Variants in GNA14 observed in about 807,000 individuals in gnomAD.
GNA14 encodes the protein guanine nucleotide-binding protein subunit alpha-14.
Under a neutral mutation model 42.0 loss-of-function variants are expected in GNA14, and 50 were observed. The observed-to-expected ratio is 1.19, with a 90% CI of 0.95 to 1.51. The LOEUF (loss-of-function observed/expected upper bound fraction) is 1.51. Among genes scored for constraint, GNA14 ranks in the 40% most tolerant of loss-of-function variants. The pLI, the probability that GNA14 is intolerant of heterozygous loss-of-function variation, is 0.00. For missense variants in GNA14, 473 were observed against 446.2 expected (o/e 1.06, Z -0.54); for synonymous variants, 173 against 163.1 (o/e 1.06, Z -0.46).
intron 1 of GNA14, among the ~76,000 whole-genome samples, chr9:77,643,536 A>C (rs1824303193): frequency 6.6e-6 from 1 of 152,124 alleles, no homozygotes; most frequent in Non-Finnish European, 1.5e-5. Context: ...ACCGCACCCA[A>C]TCGGTGTTGT....
Position 77,529,152 on chromosome 9 carries a change from A to T in GNA14, c.226T>A (p.Tyr76Asn). 6.2e-7 allele frequency: 1 copy of T among 1,614,094 alleles called. No individual in the cohort carries two copies. Among genetic ancestry groups the T allele is most frequent in the Non-Finnish European group, 8.5e-7 (1 of 1,179,944 alleles). ...EDRKGFTKLV[Y>N]QNIFTAMQAM... ...TGCATGGCGGTGAATATGTTTTGGTAAACCAGCTTCGTGAACCCCTTTCTG... is the reference window on the plus strand; with the variant it reads ...TGCATGGCGGTGAATATGTTTTGGTTAACCAGCTTCGTGAACCCCTTTCTG... The change falls in exon 2 of 7, where the codon TAC (tyrosine) becomes AAC (asparagine). Residue 76 changes from tyrosine to asparagine, a missense_variant. By Grantham distance (143) the Tyr-to-Asn change is moderately radical. Transcript: ENST00000341700.
At chr9:77,434,300 A>G in intron 3 of GNA14, 68 bp downstream of exon 3, 1 of 1,444,078 alleles carries the variant, frequency 6.9e-7, no homozygotes, top group East Asian at 2.3e-5. Flanking sequence ...TCAGCGAGAA[A>G]CTTCTTTGAA....
chr9:77,506,310 A>C (rs998658864), intron 2 of GNA14, among the ~76,000 whole-genome samples: 1 of 151,684 alleles, frequency 6.6e-6, no homozygotes, highest in Non-Finnish European at 1.5e-5. Flanking sequence ...AGAAATGAGA[A>C]ACTAATTTTA....
chr9:77,615,136 C>T (rs1247613955), intron 1 of GNA14, among the ~76,000 whole-genome samples: 1 of 152,180 alleles, frequency 6.6e-6, no homozygotes, highest in Non-Finnish European at 1.5e-5. Context: ...GTTGTTGAAA[C>T]AAATGTAACA....
At chr9:77,524,571 C>T (rs1243620600) in intron 2 of GNA14, among the ~76,000 whole-genome samples, 2 of 152,158 alleles carry the variant, frequency 1.3e-5, no homozygotes, top group African/African-American at 4.8e-5. Context: ...CCAATTGTTT[C>T]AAGTCATACG....
chr9:77,539,683 G>C (rs1837636509), intron 1 of GNA14, among the ~76,000 whole-genome samples: 1 of 152,108 alleles, frequency 6.6e-6, no homozygotes, highest in African/African-American at 2.4e-5. Flanking sequence ...TTCAATCCCA[G>C]TAGTTGTAAT....
intron 2 of GNA14, among the ~76,000 whole-genome samples, chr9:77,480,470 T>C (rs1420752375): frequency 1.3e-5 from 2 of 152,184 alleles, no homozygotes; most frequent in African/African-American, 2.4e-5. Context: ...TTATTGAGGA[T>C]TTTTGCATCA....
intron 2 of GNA14, among the ~76,000 whole-genome samples, chr9:77,445,972 C>G (rs897776384): frequency 6.6e-6 from 1 of 152,164 alleles, no homozygotes; most frequent in African/African-American, 2.4e-5. Flanking sequence ...TTGTCTGTGC[C>G]TATCTTCAGA....
intron 2 of GNA14, among the ~76,000 whole-genome samples, chr9:77,469,044 G>A (rs80181698): frequency 1.9e-3 from 296 of 152,200 alleles, no homozygotes; most frequent in South Asian, 0.011. Context: ...TCCTTAGCAC[G>A]TCCACAAGGT....
At chr9:77,629,268 T>A (rs975175391) in intron 1 of GNA14, among the ~76,000 whole-genome samples, 1 of 152,222 alleles carries the variant, frequency 6.6e-6, no homozygotes, top group African/African-American at 2.4e-5. Context: ...GGAACGCTTT[T>A]ACACTGTTGT....
intron 1 of GNA14, among the ~76,000 whole-genome samples, chr9:77,583,928 C>G (rs191548028): frequency 2.6e-5 from 4 of 152,126 alleles, no homozygotes; most frequent in Admixed American, 2.6e-4. Context: ...GGGACAAACA[C>G]GATGCTCCAT....
chr9:77,429,875 T>A (rs1835515565), intron 4 of GNA14, among the ~76,000 whole-genome samples: 2 of 151,902 alleles, frequency 1.3e-5, no homozygotes, highest in African/African-American at 4.8e-5. Context: ...AGAAAATACA[T>A]AATGGACCAG....
At chr9:77,603,793 G>C (rs548633148) in intron 1 of GNA14, among the ~76,000 whole-genome samples, 1 of 151,546 alleles carries the variant, frequency 6.6e-6, no homozygotes, top group South Asian at 2.1e-4. Context: ...GTGAAACCCC[G>C]TCTCCACTAA....
chr9:77,436,239 T>C (rs1445590398), intron 2 of GNA14, among the ~76,000 whole-genome samples: 1 of 152,080 alleles, frequency 6.6e-6, no homozygotes, highest in Non-Finnish European at 1.5e-5. Context: ...GCAGGATGGA[T>C]TACTGGAAAG....
At chr9:77,548,988 G>T (rs567301933) in intron 1 of GNA14, among the ~76,000 whole-genome samples, 2 of 151,324 alleles carry the variant, frequency 1.3e-5, no homozygotes, top group African/African-American at 4.9e-5. Context: ...TTGCCAGGCT[G>T]GAGTGCAATG....
intron 1 of GNA14, among the ~76,000 whole-genome samples, chr9:77,627,572 T>A (rs1330947727): frequency 1.3e-5 from 2 of 152,184 alleles, no homozygotes; most frequent in African/African-American, 2.4e-5. Flanking sequence ...ATCCCTGGGA[T>A]GCCAGGCTGG....
chr9:77,604,098 T>A (rs1823613976), intron 1 of GNA14, among the ~76,000 whole-genome samples: 1 of 152,090 alleles, frequency 6.6e-6, no homozygotes, highest in Non-Finnish European at 1.5e-5. Context: ...CAAATTTTTG[T>A]AAATATAAGA....
intron 4 of GNA14, among the ~76,000 whole-genome samples, chr9:77,431,049 T>C (rs1196859318): frequency 6.6e-6 from 1 of 151,822 alleles, no homozygotes; most frequent in Non-Finnish European, 1.5e-5. Flanking sequence ...TGTGTGTGTG[T>C]GTGTGTGTGT....
chr9:77,509,268 T>C (rs1305233753), intron 2 of GNA14, among the ~76,000 whole-genome samples: 1 of 152,236 alleles, frequency 6.6e-6, no homozygotes, highest in Non-Finnish European at 1.5e-5. Context: ...TGCTGTGGTA[T>C]GTGTCAGAAT....
Sources: gnomAD v4.1 joint callset for allele counts (sites outside exome capture counted in the v4.1 genomes callset) on GRCh38, gnomAD v4.1.1 for gene constraint, MANE v1.5 for transcripts, NCBI Gene and HGNC (gene_info 2026-07-23, HGNC 2026-07-21) for gene names.